Variants in PRMT8 observed in about 807,000 individuals in gnomAD.
PRMT8 encodes the protein protein arginine methyltransferase 8.
PRMT8 carries 7 observed loss-of-function variants against 47.1 expected under a neutral mutation model. The observed-to-expected ratio is 0.15, with a 90% CI of 0.08 to 0.28. The LOEUF (loss-of-function observed/expected upper bound fraction) is 0.28. PRMT8 is among the 10% of genes least tolerant of loss of function. PRMT8 has a pLI of 1.00. For missense variants in PRMT8, 237 were observed against 505.4 expected (o/e 0.47, Z 5.09); for synonymous variants, 188 against 186.5 (o/e 1.01, Z -0.07).
At chr12:3,458,743 G>T (rs1424497366) in intron 1 of PRMT8, among the ~76,000 whole-genome samples, 2 of 152,064 alleles carry the variant, frequency 1.3e-5, no homozygotes, top group East Asian at 3.9e-4. Context: ...ACTGGCTTTG[G>T]TGCACTTTGT....
chr12:3,429,506 A>G (rs1045833368), intron 1 of PRMT8, among the ~76,000 whole-genome samples: 13 of 152,192 alleles, frequency 8.5e-5, no homozygotes, highest in African/African-American at 2.9e-4. Flanking sequence ...GCACACACAC[A>G]CTTTTACAGT....
intron 1 of PRMT8, among the ~76,000 whole-genome samples, chr12:3,426,166 A>G (rs915448653): frequency 2.0e-5 from 3 of 152,204 alleles, no homozygotes; most frequent in African/African-American, 7.2e-5. Flanking sequence ...ACCCTAGTGG[A>G]AAGGGGACAA....
At chr12:3,418,892 G>A (rs1405797001) in intron 1 of PRMT8, among the ~76,000 whole-genome samples, 1 of 152,096 alleles carries the variant, frequency 6.6e-6, no homozygotes, top group Non-Finnish European at 1.5e-5. Context: ...GGAAGATGGA[G>A]GATTTAAATG....
chr12:3,591,243 T>C lies in PRMT8; in HGVS notation c.980-988T>C, dbSNP rs1256469014. Among the ~76,000 whole-genome samples, 9 of 152,100 alleles carry C rather than the reference T, an allele frequency of 5.9e-5. No homozygotes were observed. The South Asian group carries it at 1.0e-3, about 18-fold the overall frequency. ...CAAGTACCACTATGGCTTTGGGTCATACAGGATGAATGAGCTGTGGGCCAG... is the reference window on the plus strand; with the variant it reads ...CAAGTACCACTATGGCTTTGGGTCACACAGGATGAATGAGCTGTGGGCCAG... On this transcript the variant is annotated intron_variant, in intron 8 of 9. Transcript: ENST00000382622.
At chr12:3,455,204 C>T (rs1303414672) in intron 1 of PRMT8, among the ~76,000 whole-genome samples, 1 of 152,166 alleles carries the variant, frequency 6.6e-6, no homozygotes, top group Non-Finnish European at 1.5e-5. Context: ...CATAACTGGT[C>T]TGTTACTGTG....
intron 1 of PRMT8, among the ~76,000 whole-genome samples, chr12:3,472,166 G>A (rs1030454050): frequency 1.3e-3 from 193 of 152,322 alleles, no homozygotes; most frequent in African/African-American, 4.3e-3. Flanking sequence ...AACAAGAAAA[G>A]GTGATCGGAA....
At chr12:3,581,307 G>A (rs1043934473) in intron 7 of PRMT8, among the ~76,000 whole-genome samples, 1 of 152,196 alleles carries the variant, frequency 6.6e-6, no homozygotes, top group African/African-American at 2.4e-5. Context: ...AGGGACCTGT[G>A]TGAATTGGAA....
At chr12:3,450,710 C>A (rs1023275026) in intron 1 of PRMT8, among the ~76,000 whole-genome samples, 5 of 152,206 alleles carry the variant, frequency 3.3e-5, no homozygotes, top group African/African-American at 2.4e-5. Flanking sequence ...AGACAACTAT[C>A]ATGCTTTGAT....
At chr12:3,422,057 C>G (rs1277375451) in intron 1 of PRMT8, among the ~76,000 whole-genome samples, 2 of 152,192 alleles carry the variant, frequency 1.3e-5, no homozygotes, top group Non-Finnish European at 2.9e-5. Flanking sequence ...GGAAAAGGCT[C>G]TGATCTGGGA....
chr12:3,413,852 A>G (rs1864457812), intron 1 of PRMT8, among the ~76,000 whole-genome samples: 1 of 152,232 alleles, frequency 6.6e-6, no homozygotes, highest in Non-Finnish European at 1.5e-5. Context: ...ACTATAATCT[A>G]GAGATGATTT....
chr12:3,570,131 A>G lies in PRMT8; in HGVS notation c.712+567A>G, dbSNP rs1866819256. 6.6e-6 allele frequency among the ~76,000 whole-genome samples: 1 copy of G among 152,308 alleles called. No individual in the cohort carries two copies. Among genetic ancestry groups the G allele is most frequent in the Admixed American group, 6.5e-5 (1 of 15,298 alleles). ...ACGAAAGGCGAGTGTGCATGTGTGC[A>G]TGAGGCAGGGGCTCGTATCTAAACA... On this transcript the variant is annotated intron_variant, in intron 6 of 9. Transcript: ENST00000382622. This position sits in a 1 kb window ranked among gnomAD's most constrained non-coding sequence, Gnocchi z 5.5.
At chr12:3,521,634 G>A (rs1009078654) in intron 1 of PRMT8, among the ~76,000 whole-genome samples, 1 of 152,166 alleles carries the variant, frequency 6.6e-6, no homozygotes, top group Admixed American at 6.5e-5. Flanking sequence ...CTAAACAAGC[G>A]TGTGAAAATT....
chr12:3,550,043 G>C lies in PRMT8; in HGVS notation c.369G>C (p.Gly123=), dbSNP rs1244983940. 1 of 1,614,096 alleles carries C rather than the reference G, an allele frequency of 6.2e-7. No homozygotes were observed. The change falls in exon 3 of 10, where the codon GGG becomes GGC. Residue 123 remains glycine (G), a synonymous_variant. Transcript: ENST00000382622. This position sits in a 1 kb window ranked among gnomAD's most constrained non-coding sequence, Gnocchi z 5.1. The part of the protein sequence containing the change: ...KVVLDVGSGT[G]ILSMFAAKAG... The stretch of plus-strand genomic sequence containing the variant: ...TACTGGATGTGGGGAGTGGTACTGG[G>C]ATCCTTTCCATGTTCGCTGCCAAGG...
intron 1 of PRMT8, among the ~76,000 whole-genome samples, chr12:3,534,057 G>T (rs1292996086): frequency 1.3e-5 from 2 of 152,254 alleles, no homozygotes; most frequent in African/African-American, 4.8e-5. Flanking sequence ...AGGGAAGAAG[G>T]TGAAGGCGGT....
chr12:3,385,048 A>T (rs1864126457), intron 1 of PRMT8, among the ~76,000 whole-genome samples: 2 of 152,198 alleles, frequency 1.3e-5, no homozygotes, highest in Non-Finnish European at 2.9e-5. Context: ...TGGAGTGATC[A>T]AGCCAGGACT....
Position 3,444,418 on chromosome 12 carries a change from C to T in PRMT8, c.48+62976C>T, listed in dbSNP as rs766893651. Among the ~76,000 whole-genome samples the T allele has an allele frequency of 4.6e-5, 7 of 152,316 alleles. No homozygotes were observed. The East Asian group carries it at 5.8e-4, about 13-fold the overall frequency. Reference sequence around the variant, plus strand: ...CTGGAGACCACTGTCCTAAGCAGCCCCAGAGCTAGACTTGCTAGGACAAAA... The same window carrying T: ...CTGGAGACCACTGTCCTAAGCAGCCTCAGAGCTAGACTTGCTAGGACAAAA... On this transcript the variant is annotated intron_variant, in intron 1 of 9. Transcript: ENST00000452611.
In PRMT8 at chr12:3,558,988, ATCTG is replaced by A. The variant is rs1046217651; in HGVS notation, c.481+5278_481+5281del. ...TATCTATCTATCTATCTATCTATCT[ATCTG>A]TCTATCTATCCTGTCTATCTAATCT... On this transcript the variant is annotated intron_variant, in intron 4 of 9. Coordinates refer to ENST00000382622, the MANE Select transcript of PRMT8 (RefSeq NM_019854.5). Among the ~76,000 whole-genome samples the A allele has an allele frequency of 2.9e-3, 442 of 151,022 alleles. 3 individuals carry two copies. The highest frequency in any genetic ancestry group is 9.0e-3 in the African/African-American group (369 of 40,864).
Position 3,493,404 on chromosome 12 carries a change from C to A in PRMT8, c.75+1704C>A, listed in dbSNP as rs1349785407. ...GCGCTTCTGTGAAGTGTGGAGCGAG[C>A]GGGCACGTAGCGGTCTCTGCCAGGT... On this transcript the variant is annotated intron_variant, in intron 1 of 9. Transcript: ENST00000382622. This position sits in a 1 kb window ranked among gnomAD's most constrained non-coding sequence, Gnocchi z 8.2. Among the ~76,000 whole-genome samples the A allele has an allele frequency of 2.6e-5, 4 of 152,132 alleles. No individual in the cohort carries two copies. The South Asian group carries it at 8.3e-4, about 32-fold the overall frequency.
At position 3,453,690 on chromosome 12, in the gene PRMT8, A is replaced by T. The variant is rs1211262777; in HGVS notation, c.48+72248A>T. Among the ~76,000 whole-genome samples the T allele has an allele frequency of 6.6e-6, 1 of 152,180 alleles. No homozygotes were observed. The highest frequency in any genetic ancestry group is 2.4e-5 in the African/African-American group (1 of 41,452). On this transcript the variant is annotated intron_variant, in intron 1 of 9. Transcript: ENST00000452611. This position sits in a 1 kb window ranked among gnomAD's most constrained non-coding sequence, Gnocchi z 4.9. Reference sequence around the variant, plus strand: ...CCAGGGCAAATGCTGGGGCGCAGCCATGCTGGCTGTCTCCTCGTCTGTTCT... The same window carrying T: ...CCAGGGCAAATGCTGGGGCGCAGCCTTGCTGGCTGTCTCCTCGTCTGTTCT...
Sources: gnomAD v4.1 joint callset for allele counts (sites outside exome capture counted in the v4.1 genomes callset) on GRCh38, gnomAD v4.1.1 for gene constraint, Gnocchi (gnomAD v3.1) non-coding constraint, MANE v1.5 for transcripts, NCBI Gene and HGNC (gene_info 2026-07-23, HGNC 2026-07-21) for gene names.